Variants in BIRC2 observed in about 807,000 individuals in gnomAD.
BIRC2 encodes baculoviral IAP repeat-containing protein 2.
A neutral mutation model predicts 60.9 loss-of-function variants in BIRC2; 18 were observed. The ratio of observed to expected loss-of-function variants is 0.30; its 90% CI spans 0.20 to 0.44. The LOEUF (loss-of-function observed/expected upper bound fraction) is 0.44, where lower values mean the gene tolerates loss of function less well. Among genes scored for constraint, BIRC2 ranks in the 20% least tolerant of loss-of-function variants. The pLI, the probability that BIRC2 is intolerant of heterozygous loss-of-function variation, is 1.00. For missense variants in BIRC2, 701 were observed against 728.5 expected (o/e 0.96, Z 0.43); for synonymous variants, 282 against 247.7 (o/e 1.14, Z -1.30).
intron 3 of BIRC2, among the ~76,000 whole-genome samples, chr11:102,353,600 G>C (rs551661008): frequency 6.6e-6 from 1 of 151,648 alleles, no homozygotes; most frequent in South Asian, 2.1e-4. Flanking sequence ...TTACAGGCAT[G>C]AGCCACTGAG....
chr11:102,352,317 T>C (rs987758645), intron 3 of BIRC2, among the ~76,000 whole-genome samples: 2 of 151,984 alleles, frequency 1.3e-5, no homozygotes, highest in African/African-American at 4.8e-5. Context: ...GATTTCACCA[T>C]GTTAGACAGG....
intron 3 of BIRC2, among the ~76,000 whole-genome samples, chr11:102,361,013 T>G (rs1265465727): frequency 6.6e-6 from 1 of 152,180 alleles, no homozygotes; most frequent in African/African-American, 2.4e-5. Flanking sequence ...TGGCAGAGGC[T>G]GCTGGGGACC....
At chr11:102,364,442 A>T (rs562925993) in intron 5 of BIRC2, among the ~76,000 whole-genome samples, 53 of 152,176 alleles carry the variant, frequency 3.5e-4, no homozygotes, top group African/African-American at 1.2e-3. Context: ...TTCACATATG[A>T]TTCAAGAATT....
At chr11:102,363,435 A>G (rs912077285) in intron 4 of BIRC2, among the ~76,000 whole-genome samples, 8 of 152,202 alleles carry the variant, frequency 5.3e-5, no homozygotes, top group African/African-American at 1.7e-4. Flanking sequence ...AACCACTGAT[A>G]CATTTTTCTA....
intron 3 of BIRC2, among the ~76,000 whole-genome samples, chr11:102,351,286 G>A (rs1951355673): frequency 6.6e-6 from 1 of 152,162 alleles, no homozygotes; most frequent in Admixed American, 6.5e-5. Flanking sequence ...TAGAATGGAT[G>A]CAGGAATAAG....
In BIRC2 at chr11:102,349,440, G is replaced by A. The variant is rs1283898193; in HGVS notation, c.-415G>A. The A allele has an allele frequency of 6.4e-6, 1 of 155,080 alleles. No individual in the cohort carries two copies. Among genetic ancestry groups the A allele is most frequent in the African/African-American group, 2.4e-5 (1 of 41,472 alleles). 9.6% of individuals were successfully genotyped at this position (155,080 alleles called of 1,614,324 possible). ...TAATCAGTAATTGGTCTGTTATTCA[G>A]GCTTCATAGCTTGTAACCAAATATA... On this transcript the variant is annotated 5_prime_UTR_variant, in exon 2 of 9. Coordinates refer to ENST00000227758, the MANE Select transcript of BIRC2 (RefSeq NM_001166.5).
At chr11:102,365,703 A>G (rs1464008527) in intron 5 of BIRC2, among the ~76,000 whole-genome samples, 4 of 151,772 alleles carry the variant, frequency 2.6e-5, no homozygotes, top group African/African-American at 4.9e-5. Context: ...CAGCCTCCCA[A>G]GTAGCTGGGA....
intron 3 of BIRC2, among the ~76,000 whole-genome samples, chr11:102,353,525 C>T (rs1423098455): frequency 1.3e-5 from 2 of 152,032 alleles, no homozygotes; most frequent in Non-Finnish European, 2.9e-5. Context: ...GCTATGTTGG[C>T]CAGTCTAGTC....
At chr11:102,361,162 T>G (rs1432192271) in intron 3 of BIRC2, among the ~76,000 whole-genome samples, 1 of 152,156 alleles carries the variant, frequency 6.6e-6, no homozygotes, top group Non-Finnish European at 1.5e-5. Flanking sequence ...GTGGAGCAGC[T>G]ACAGAGCCAA....
At position 102,368,497 on chromosome 11, in the gene BIRC2, G is replaced by A. The variant is rs1951579460; in HGVS notation, c.1315G>A (p.Asp439Asn). The change falls in exon 6 of 9, where the codon GAT becomes AAT. Residue 439 changes from aspartate to asparagine, a missense_variant. By Grantham distance (23) the Asp-to-Asn change is conservative. This residue lies in a region of BIRC2 where 235 missense variants were observed against 208.9 expected (regional missense o/e 1.12). Transcript: ENST00000227758. ...TGTGTCAGCACTTCTTAATGCTGAAGATGAAAAAAGAGAAGAGGAGAAGGA... is the reference window on the plus strand; with the variant it reads ...TGTGTCAGCACTTCTTAATGCTGAAAATGAAAAAAGAGAAGAGGAGAAGGA... ...DIVSALLNAEDEKREEEKEKQ... is the reference protein window; with the variant it reads ...DIVSALLNAENEKREEEKEKQ... 6.2e-7 allele frequency: 1 copy of A among 1,613,304 alleles called. No homozygotes were observed. The highest frequency in any genetic ancestry group is 8.5e-7 in the Non-Finnish European group (1 of 1,179,802).
rs780316404 is a variant in BIRC2, at chr11:102,349,885, C to T, written c.31C>T (p.Pro11Ser). 3 of 1,611,034 alleles carry T rather than the reference C, an allele frequency of 1.9e-6. No individual in the cohort carries two copies. The East Asian group carries it at 6.7e-5, about 36-fold the overall frequency. Residue 11 changes from proline (P) to serine (S), a missense_variant, in exon 2 of 9, where the codon CCA (proline) becomes TCA (serine). Coordinates refer to ENST00000227758, the MANE Select transcript of BIRC2 (RefSeq NM_001166.5). MHKTASQRLF[P>S]GPSYQNIKSI... Reference sequence around the variant, plus strand: ...CAAAACTGCCTCCCAAAGACTTTTCCCAGGTCCCTCGTATCAAAACATTAA... The same window carrying T: ...CAAAACTGCCTCCCAAAGACTTTTCTCAGGTCCCTCGTATCAAAACATTAA...
At chr11:102,364,786 A>G (rs1388531575) in intron 5 of BIRC2, among the ~76,000 whole-genome samples, 1 of 147,874 alleles carries the variant, frequency 6.8e-6, no homozygotes, top group African/African-American at 2.4e-5. Context: ...GGAAAATAGG[A>G]AGGAGAGTAC....
Position 102,372,124 on chromosome 11 carries a change from G to A in BIRC2, c.1366+3576G>A, listed in dbSNP as rs1187491827. ...TGATCTTTTCAAAAAACCAGCTCCC[G>A]GATTCATTGATTTTTTGAAGGGTTT... On this transcript the variant is annotated intron_variant, in intron 6 of 8. Transcript: ENST00000227758. Among the ~76,000 whole-genome samples, 10 of 152,192 alleles carry A rather than the reference G, an allele frequency of 6.6e-5. No individual in the cohort carries two copies. The South Asian group carries it at 8.3e-4, about 13-fold the overall frequency.
intron 3 of BIRC2, among the ~76,000 whole-genome samples, chr11:102,360,615 G>A (rs1951474472): frequency 6.7e-6 from 1 of 148,948 alleles, no homozygotes; most frequent in African/African-American, 2.5e-5. Context: ...TTATCTGTTA[G>A]TTCATAGATC....
intron 3 of BIRC2, among the ~76,000 whole-genome samples, chr11:102,357,336 CCTCCTCCTCTTCCTTCTT>C (rs1289941333): frequency 2.6e-5 from 4 of 151,574 alleles, no homozygotes; most frequent in Admixed American, 1.3e-4. Context: ...CTTTCCTCCT[CCTCCTCCTCTTCCTTCTT>C]CTCCTCCTCT....
intron 3 of BIRC2, 191 bp from the exon 4 acceptor site, chr11:102,362,705 T>C: frequency 2.0e-6 from 1 of 488,358 alleles, no homozygotes; most frequent in Non-Finnish European, 3.7e-6. Flanking sequence ...CCGTGATATA[T>C]AACACACAGA....
At chr11:102,351,508 G>A (rs936564431) in intron 3 of BIRC2, among the ~76,000 whole-genome samples, 22 of 151,512 alleles carry the variant, frequency 1.5e-4, no homozygotes, top group African/African-American at 3.6e-4. Context: ...CCAGCTTCTC[G>A]GGAGGCTGAG....
At chr11:102,377,381 T>G in intron 6 of BIRC2, 115 bp from the exon 7 acceptor site, 1 of 924,164 alleles carries the variant, frequency 1.1e-6, no homozygotes, top group Non-Finnish European at 1.5e-6. Context: ...ACTTTGTTCT[T>G]TTTTGAACTT....
chr11:102,365,007 A>G (rs1951537502), intron 5 of BIRC2, among the ~76,000 whole-genome samples: 1 of 152,258 alleles, frequency 6.6e-6, no homozygotes, highest in Admixed American at 6.5e-5. Context: ...ATAATTTTCT[A>G]ACACTCTCTT....
Sources: gnomAD v4.1 joint callset for allele counts (sites outside exome capture counted in the v4.1 genomes callset) on GRCh38, gnomAD v4.1.1 for gene constraint, gnomAD v4.1.1 regional missense constraint, MANE v1.5 for transcripts, NCBI Gene and HGNC (gene_info 2026-07-23, HGNC 2026-07-21) for gene names.